Variants in MARCHF7 observed in about 807,000 individuals in gnomAD.
The protein encoded by MARCHF7 is membrane associated ring-CH-type finger 7.
A neutral mutation model predicts 76.5 loss-of-function variants in MARCHF7; 20 were observed. That is an observed-to-expected ratio of 0.26 (90% confidence interval 0.18 to 0.38). The LOEUF (loss-of-function observed/expected upper bound fraction) is 0.38, where lower values mean the gene tolerates loss of function less well. Ranked by LOEUF, MARCHF7 falls within the 10% of genes least tolerant of loss-of-function variation. The pLI, the probability that MARCHF7 is intolerant of heterozygous loss-of-function variation, is 1.00. For synonymous variants in MARCHF7, 295 were observed against 293.0 expected (o/e 1.01, Z -0.07); for missense variants, 797 against 812.9 (o/e 0.98, Z 0.24).
rs140620289 is a variant in MARCHF7 at position 159,748,109 on chromosome 2, T to C, written c.819T>C (p.Asn273=). The C allele has an allele frequency of 8.7e-6, 14 of 1,613,950 alleles. No homozygotes were observed. Among genetic ancestry groups the C allele is most frequent in the African/African-American group, 1.3e-5 (1 of 74,926 alleles). ...GACCATTTCAAGAATCTTCTGACAA[T>C]GAAGGTAGGCGGACAACGAGGAGAT... is the stretch of plus-strand genomic sequence containing the variant. ...SQRPFQESSD[N]EGRRTTRRLL... Residue 273 remains asparagine (N), a synonymous_variant, in exon 7 of 12, where the codon AAT becomes AAC. Transcript: ENST00000409175.
intron 3 of MARCHF7, among the ~76,000 whole-genome samples, chr2:159,728,102 T>G (rs565498028): frequency 6.6e-6 from 1 of 152,356 alleles, no homozygotes; most frequent in Admixed American, 6.5e-5. Context: ...GAAAACATTT[T>G]GAGAAACACT....
intron 4 of MARCHF7, among the ~76,000 whole-genome samples, chr2:159,736,936 T>C (rs1489629320): frequency 1.3e-5 from 2 of 152,230 alleles, no homozygotes; most frequent in African/African-American, 4.8e-5. Flanking sequence ...TCCCTCATTT[T>C]ATTGAGTTAT....
At chr2:159,733,891 A>G (rs1162865801) in intron 4 of MARCHF7, 75 of 1,211,868 alleles carry the variant, frequency 6.2e-5, no homozygotes, top group Middle Eastern at 2.1e-4. Context: ...TCTGGATAGC[A>G]TTGTTTCTTT....
At chr2:159,741,580 G>A (rs981871158) in intron 4 of MARCHF7, among the ~76,000 whole-genome samples, 2 of 152,030 alleles carry the variant, frequency 1.3e-5, no homozygotes, top group African/African-American at 4.8e-5. Context: ...TCTGTTACCT[G>A]TACTGTAGAG....
intron 4 of MARCHF7, chr2:159,733,334 C>G (rs947316038): frequency 4.1e-6 from 2 of 491,900 alleles, no homozygotes. Context: ...GCCTCCTGGG[C>G]TCAAGCAGTC....
rs533969295 is a variant in MARCHF7 at position 159,736,251 on chromosome 2, C to T, written c.154-6810C>T. Reference sequence around the variant, plus strand: ...ATTCCCTTTTGTGTGTATGAAGATTCCAGTCTCTCCACATTCTCATCAGCA... The same window carrying T: ...ATTCCCTTTTGTGTGTATGAAGATTTCAGTCTCTCCACATTCTCATCAGCA... On this transcript the variant is annotated intron_variant, in intron 4 of 11. Coordinates refer to ENST00000409175, the MANE Select transcript of MARCHF7 (RefSeq NM_001282805.2). Among the ~76,000 whole-genome samples, 9 of 152,308 alleles carry T rather than the reference C, an allele frequency of 5.9e-5. No homozygotes were observed. The East Asian group carries it at 1.5e-3, about 26-fold the overall frequency.
chr2:159,740,112 C>T (rs750679701), intron 4 of MARCHF7, among the ~76,000 whole-genome samples: 3 of 152,140 alleles, frequency 2.0e-5, no homozygotes, highest in Non-Finnish European at 4.4e-5. Flanking sequence ...TATAATTGCC[C>T]TCTATTCCCA....
Position 159,748,619 on chromosome 2 carries a change from T to C in MARCHF7, c.1329T>C (p.Ala443=). The C allele has an allele frequency of 6.2e-7, 1 of 1,614,228 alleles. No individual in the cohort carries two copies. The highest frequency in any genetic ancestry group is 1.7e-5 in the Admixed American group (1 of 60,030). Residue 443 remains alanine, a synonymous_variant, in exon 7 of 12, where the codon GCT becomes GCC. Coordinates refer to ENST00000409175, the MANE Select transcript of MARCHF7 (RefSeq NM_001282805.2). Reference sequence around the variant, plus strand: ...AAGCACAGAATGATCCTCTTGGAGCTGCTGCCAACAGACCACAAGCATCTG... The same window carrying C: ...AAGCACAGAATGATCCTCTTGGAGCCGCTGCCAACAGACCACAAGCATCTG... ...HLEAQNDPLG[A]AANRPQASAA...
chr2:159,724,604 C>T (rs1701964168), intron 3 of MARCHF7, among the ~76,000 whole-genome samples: 1 of 152,170 alleles, frequency 6.6e-6, no homozygotes, highest in Admixed American at 6.5e-5. Context: ...CTCATTTTAA[C>T]AAGTATATGG....
rs1323623122 is a variant in MARCHF7 at position 159,748,306 on chromosome 2, A to G, written c.1016A>G (p.Asn339Ser). 5 of 1,613,434 alleles carry G rather than the reference A, an allele frequency of 3.1e-6. No homozygotes were observed. The South Asian group carries it at 4.4e-5, about 14-fold the overall frequency. ...CCATCAGCTTCTGAAGTTCCCGATA[A>G]TAGGGCATCTGAAGCTTCTCAGGGA... ...NVPSASEVPD[N>S]RASEASQGFR... Residue 339 changes from asparagine to serine, a missense_variant, in exon 7 of 12, where the codon AAT becomes AGT. This residue lies in a region of MARCHF7 where 643 missense variants were observed against 631.5 expected (regional missense o/e 1.02). Coordinates refer to ENST00000409175, the MANE Select transcript of MARCHF7 (RefSeq NM_001282805.2).
chr2:159,756,687 CAAAAAAAAAAAA>C lies in MARCHF7; in HGVS notation c.1784-2523_1784-2512del, dbSNP rs869261420. The stretch of plus-strand genomic sequence containing the variant: ...GGGTGACAAGAGTGACACTCAGTCT[CAAAAAAAAAAAA>C]AAAAAAAAAAAAAAACAGATGATTC... On this transcript the variant is annotated intron_variant, in intron 8 of 11. Transcript: ENST00000409175. 2.2e-4 allele frequency among the ~76,000 whole-genome samples: 14 copies of C among 64,236 alleles called. No homozygotes were observed. The South Asian group carries it at 7.5e-3, about 34-fold the overall frequency. The allele number at this position is 64,236 out of a possible 152,430, so 42.1% of individuals were successfully genotyped here. A position where few individuals can be genotyped will look rare whatever the true frequency, so the allele number is the denominator to read the frequency against.
chr2:159,735,240 A>G lies in MARCHF7; in HGVS notation c.153+6065A>G, dbSNP rs76176027. Among the ~76,000 whole-genome samples, 68 of 152,364 alleles carry G rather than the reference A, an allele frequency of 4.5e-4. No individual in the cohort carries two copies. In the East Asian group the frequency reaches 0.013, roughly 28 times the overall value. ...ATTAACTCATGGAAATGAGGAGCCC[A>G]GGAAAAGAATATCATTCTGGGCTAG... On this transcript the variant is annotated intron_variant, in intron 4 of 11. Coordinates refer to ENST00000409175, the MANE Select transcript of MARCHF7 (RefSeq NM_001282805.2).
intron 8 of MARCHF7, among the ~76,000 whole-genome samples, chr2:159,756,715 CAG>C (rs1244294660): frequency 1.1e-5 from 1 of 87,014 alleles, no homozygotes; most frequent in African/African-American, 5.0e-5. Context: ...AAAAAAAAAA[CAG>C]ATGATTCAGA....
In MARCHF7 at chr2:159,764,212, T is replaced by TTGTGTGTGTG. The variant is rs377705664; in HGVS notation, c.2008-379_2008-370dup. 5.3e-3 allele frequency among the ~76,000 whole-genome samples: 741 copies of TTGTGTGTGTG among 138,614 alleles called. 9 individuals are homozygous for TTGTGTGTGTG. The highest frequency in any genetic ancestry group is 0.015 in the African/African-American group (531 of 35,606). The allele number at this position is 138,614 out of a possible 152,430, so 90.9% of individuals were successfully genotyped here. On this transcript the variant is annotated intron_variant, in intron 10 of 11. Transcript: ENST00000409175. ...AGGAAAATATTGGTTCTTGGGAGTT[T>TTGTGTGTGTG]TGTGTGTGTGTGTGTGTGTGTGTGT...
chr2:159,770,651 G>T lies in MARCHF7; in HGVS notation c.*3309G>T, dbSNP rs770137848. 6.6e-6 allele frequency: 1 copy of T among 152,064 alleles called. No individual in the cohort carries two copies. The highest frequency in any genetic ancestry group is 1.5e-5 in the Non-Finnish European group (1 of 67,994). 9.4% of individuals were successfully genotyped at this position (152,064 alleles called of 1,614,324 possible). ...CCACATATAGAACAGTGTTTCCTTA[G>T]TAGACCATATTTTTACTGTACCTTT... On this transcript the variant is annotated 3_prime_UTR_variant, in exon 12 of 12. Transcript: ENST00000409175.
chr2:159,713,601 A>T (rs1192083990), intron 1 of MARCHF7, among the ~76,000 whole-genome samples: 1 of 152,248 alleles, frequency 6.6e-6, no homozygotes, highest in Non-Finnish European at 1.5e-5. Flanking sequence ...CGATTTAAAA[A>T]TCCAATAGTA....
chr2:159,743,877 T>C (rs181183665), intron 5 of MARCHF7, among the ~76,000 whole-genome samples: 6 of 151,136 alleles, frequency 4.0e-5, no homozygotes, highest in Admixed American at 4.0e-4. Flanking sequence ...CAATGCACTG[T>C]AGCCTGGTAG....
intron 3 of MARCHF7, 149 bp downstream of exon 3, chr2:159,715,915 A>G (rs1232281532): frequency 6.6e-6 from 1 of 152,244 alleles, no homozygotes; most frequent in African/African-American, 2.4e-5. Context: ...TACTTTGTAG[A>G]AAGAACCCTA....
At position 159,765,698 on chromosome 2, in the gene MARCHF7, C is replaced by G. The variant is rs940345174; in HGVS notation, c.2056+1024C>G. Among the ~76,000 whole-genome samples the G allele has an allele frequency of 2.0e-5, 3 of 152,046 alleles. No homozygotes were observed. In the East Asian group the frequency reaches 5.8e-4, roughly 29 times the overall value. On this transcript the variant is annotated intron_variant, in intron 11 of 11. Transcript: ENST00000409175. ...TAGTCCTCATAGGAACTTTTTAATT[C>G]TAGATAATCTAAAACATAGATTTTT...
Sources: allele counts gnomAD v4.1 joint callset (sites outside exome capture counted in the v4.1 genomes callset), GRCh38; gene constraint gnomAD v4.1.1; regional missense constraint gnomAD v4.1.1; transcripts MANE v1.5; gene names NCBI Gene and HGNC (gene_info 2026-07-23, HGNC 2026-07-21).